Variants in ZNF558 observed in about 807,000 individuals in gnomAD.
ZNF558 encodes the protein zinc finger protein 558.
ZNF558 carries 23 observed loss-of-function variants against 37.6 expected under a neutral mutation model. The observed-to-expected ratio is 0.61, with a 90% CI of 0.44 to 0.87. The LOEUF (loss-of-function observed/expected upper bound fraction) is 0.87. Ranked by LOEUF, ZNF558 falls within the 40% of genes least tolerant of loss-of-function variation. The probability of loss-of-function intolerance (pLI) is 0.00; values close to 1 mark genes in which losing one functional copy is unlikely to be tolerated. For synonymous variants in ZNF558, 189 were observed against 174.4 expected, an observed-to-expected ratio of 1.08 and a Z score of -0.66; for missense variants, 429 against 483.7, an observed-to-expected ratio of 0.89 and a Z score of 1.06.
At chr19:8,818,955 G>A (rs1174458723) in intron 7 of ZNF558, among the ~76,000 whole-genome samples, 1 of 152,160 alleles carries the variant, frequency 6.6e-6, no homozygotes, top group Non-Finnish European at 1.5e-5. Flanking sequence ...TGAGACAACT[G>A]GATATACACA....
At chr19:8,818,324 C>T (rs2043993397) in intron 7 of ZNF558, among the ~76,000 whole-genome samples, 2 of 152,038 alleles carry the variant, frequency 1.3e-5, no homozygotes, top group Admixed American at 1.3e-4. Context: ...TGGTGGTGCG[C>T]ACCTGTAGTC....
At chr19:8,826,680 C>T (rs921178963) in intron 2 of ZNF558, among the ~76,000 whole-genome samples, 11 of 152,076 alleles carry the variant, frequency 7.2e-5, no homozygotes, top group African/African-American at 2.2e-4. Flanking sequence ...AGCACTGGTC[C>T]GTGGCCCAGG....
upstream of ZNF558, among the ~76,000 whole-genome samples, chr19:8,836,994 C>T (rs1475363362): frequency 6.6e-6 from 1 of 152,178 alleles, no homozygotes; most frequent in African/African-American, 2.4e-5. Flanking sequence ...TTTACAAATA[C>T]ATACAACTGC....
chr19:8,817,326 T>C (rs2043963691), intron 7 of ZNF558, among the ~76,000 whole-genome samples: 1 of 152,170 alleles, frequency 6.6e-6, no homozygotes, highest in Non-Finnish European at 1.5e-5. Context: ...GAAAGCACAC[T>C]TCAAGTACCC....
At chr19:8,834,476 C>T (rs566600446), upstream of ZNF558, among the ~76,000 whole-genome samples, 1 of 151,952 alleles carries the variant, frequency 6.6e-6, no homozygotes, top group Admixed American at 6.6e-5. Context: ...GGCGTGGTGG[C>T]GGGCGCCTAT....
intron 2 of ZNF558, among the ~76,000 whole-genome samples, chr19:8,826,312 C>T (rs1028062908): frequency 1.3e-5 from 2 of 151,966 alleles, no homozygotes; most frequent in African/African-American, 4.8e-5. Flanking sequence ...ATTTATTCTG[C>T]ACTTTATTTC....
At chr19:8,828,003 C>T (rs1460178921) in intron 2 of ZNF558, among the ~76,000 whole-genome samples, 1 of 152,182 alleles carries the variant, frequency 6.6e-6, no homozygotes, top group African/African-American at 2.4e-5. Context: ...TTGGACATAA[C>T]CCTGTCCCCT....
rs200065833 is a variant in ZNF558, at chr19:8,811,381, T to G, written c.1109A>C (p.His370Pro). The G allele has an allele frequency of 5.2e-5, 84 of 1,614,022 alleles. No homozygotes were observed. The highest frequency in any genetic ancestry group is 3.4e-6 in the Non-Finnish European group (4 of 1,179,974). ...ACATTCATAGGGTTTTTCTCCAGTGTGAGTTCTTAAGTGTTTCTTCACAGC... is the reference window on the plus strand; with the variant it reads ...ACATTCATAGGGTTTTTCTCCAGTGGGAGTTCTTAAGTGTTTCTTCACAGC... Reference protein sequence around the residue: ...LSAVKKHLRTHTGEKPYECNH... With the variant: ...LSAVKKHLRTPTGEKPYECNH... The change falls in exon 10 of 10, where the codon CAC (histidine) becomes CCC (proline). Residue 370 changes from histidine to proline, a missense_variant. By Grantham distance (77) the His-to-Pro change is moderately conservative. Coordinates refer to ENST00000601372, the MANE Select transcript of ZNF558 (RefSeq NM_144693.3).
At position 8,807,892 on chromosome 19, in the gene ZNF558, T is replaced by C. The variant is rs1228436250; in HGVS notation, c.*3389A>G. 1 of 152,206 alleles carries C rather than the reference T, an allele frequency of 6.6e-6. No individual in the cohort carries two copies. The highest frequency in any genetic ancestry group is 2.4e-5 in the African/African-American group (1 of 41,444). 9.4% of individuals were successfully genotyped at this position (152,206 alleles called of 1,614,324 possible). On this transcript the variant is annotated 3_prime_UTR_variant, in exon 10 of 10. Transcript: ENST00000601372. ...GGGTAGTGGTTAAGTGCATGGACTG[T>C]CTGGGTTCAGATCTTGGCTCTACCA...
intron 2 of ZNF558, among the ~76,000 whole-genome samples, chr19:8,825,333 C>T (rs2044207394): frequency 6.6e-6 from 1 of 151,954 alleles, no homozygotes; most frequent in Non-Finnish European, 1.5e-5. Context: ...AAGGTTGGTG[C>T]AAAAGTGATT....
chr19:8,817,655 C>T (rs2043972885), intron 7 of ZNF558, among the ~76,000 whole-genome samples: 1 of 151,964 alleles, frequency 6.6e-6, no homozygotes, highest in Non-Finnish European at 1.5e-5. Context: ...CTATAAGACA[C>T]TTGCTTTATA....
rs189271513 is a variant in ZNF558, at chr19:8,829,119, G to A, written c.-509+2199C>T. Among the ~76,000 whole-genome samples the A allele has an allele frequency of 6.0e-3, 919 of 151,984 alleles. 27 individuals carry two copies. The highest frequency in any genetic ancestry group is 0.052 in the Admixed American group (798 of 15,252). The stretch of plus-strand genomic sequence containing the variant: ...TCTACTGAAAATACAAAAATTAACC[G>A]GGCATGGTGGTAGGCGCCTGTAATC... On this transcript the variant is annotated intron_variant, in intron 2 of 9. Transcript: ENST00000601372.
chr19:8,831,384 G>C lies in ZNF558; in HGVS notation c.-575C>G, dbSNP rs906180393. ...CAGGCTTCAACACGAATCTGAGCTT[G>C]AATGATGCTTTTCTCATCTGAAAAA... is the stretch of plus-strand genomic sequence containing the variant. On this transcript the variant is annotated 5_prime_UTR_variant, in exon 2 of 10. Coordinates refer to ENST00000601372, the MANE Select transcript of ZNF558 (RefSeq NM_144693.3). 4.1e-5 allele frequency: 6 copies of C among 146,586 alleles called. No individual in the cohort carries two copies. The highest frequency in any genetic ancestry group is 9.0e-5 in the Non-Finnish European group (6 of 66,876). 9.1% of individuals were successfully genotyped at this position (146,586 alleles called of 1,614,324 possible).
In ZNF558 at chr19:8,819,240, A is replaced by G. The variant is rs145585216; in HGVS notation, c.247+1940T>C. On this transcript the variant is annotated intron_variant, in intron 7 of 9. Transcript: ENST00000601372. ...CGTTCTGTCGCCTAGGCTGGAATATAGTGGATCTCGGCTCACTACAACCTC... is the reference window on the plus strand; with the variant it reads ...CGTTCTGTCGCCTAGGCTGGAATATGGTGGATCTCGGCTCACTACAACCTC... 1.1e-3 allele frequency among the ~76,000 whole-genome samples: 161 copies of G among 152,266 alleles called. 3 individuals carry two copies. The East Asian group carries it at 0.028, about 26-fold the overall frequency.
In ZNF558 at chr19:8,821,222, T is replaced by C. The variant is rs1421238075; in HGVS notation, c.205A>G (p.Arg69Gly). ...LLDPAQRTLY[R>G]DVMLENCRNL... ...CTGCAGTTCTCCAGCATCACATCCC[T>C]GTACAGTGTCCTTTGGGCAGGGTCC... Residue 69 changes from arginine to glycine, a missense_variant, in exon 7 of 10, where the codon AGG becomes GGG. Coordinates refer to ENST00000601372, the MANE Select transcript of ZNF558 (RefSeq NM_144693.3). 6 of 1,614,118 alleles carry C rather than the reference T, an allele frequency of 3.7e-6. No homozygotes were observed. The highest frequency in any genetic ancestry group is 2.7e-5 in the African/African-American group (2 of 74,932).
chr19:8,832,836 C>A (rs566081439), upstream of ZNF558, among the ~76,000 whole-genome samples: 91 of 150,506 alleles, frequency 6.0e-4, no homozygotes, highest in African/African-American at 2.1e-3. Context: ...GTTGTGACAG[C>A]CCTGGAGGTT....
chr19:8,821,031 T>C, intron 7 of ZNF558, 149 bp downstream of exon 7: 4 of 1,275,400 alleles, frequency 3.1e-6, no homozygotes. Context: ...CATGAATGTA[T>C]GAAAAACCAC....
At chr19:8,831,005 T>C (rs2044339420) in intron 2 of ZNF558, 1 of 152,264 alleles carries the variant, frequency 6.6e-6, no homozygotes, top group Admixed American at 6.5e-5. Context: ...AAATATTTTC[T>C]ATACTTATAT....
chr19:8,819,964 T>C (rs1419398324), intron 7 of ZNF558, among the ~76,000 whole-genome samples: 1 of 151,690 alleles, frequency 6.6e-6, no homozygotes, highest in African/African-American at 2.4e-5. Context: ...AACAAACAAA[T>C]AACAACAATA....
Sources: gnomAD v4.1 joint callset for allele counts (sites outside exome capture counted in the v4.1 genomes callset) on GRCh38, gnomAD v4.1.1 for gene constraint, MANE v1.5 for transcripts, NCBI Gene and HGNC (gene_info 2026-07-23, HGNC 2026-07-21) for gene names.